CNTN4: variants seen among roughly 807,000 people sequenced by gnomAD.
CNTN4 encodes the protein contactin 4.
A neutral mutation model predicts 122.5 loss-of-function variants in CNTN4; 77 were observed. That is an observed-to-expected ratio of 0.63 (90% CI 0.52 to 0.76). CNTN4 has a LOEUF of 0.76. Among genes scored for constraint, CNTN4 ranks in the 30% least tolerant of loss-of-function variants. The pLI, the probability that CNTN4 is intolerant of heterozygous loss-of-function variation, is 0.00. For synonymous variants in CNTN4, 512 were observed against 447.0 expected, an observed-to-expected ratio of 1.15 and a Z score of -1.83; for missense variants, 1,256 against 1,259.1, an observed-to-expected ratio of 1.00 and a Z score of 0.04.
intron 4 of CNTN4, among the ~76,000 whole-genome samples, chr3:2,676,668 A>G (rs2084862915): frequency 6.6e-6 from 1 of 152,172 alleles, no homozygotes; most frequent in South Asian, 2.1e-4. Context: ...AGGGGAAAGA[A>G]ACGACATGGG....
At chr3:2,560,599 T>C (rs928873559) in intron 3 of CNTN4, among the ~76,000 whole-genome samples, 2 of 152,230 alleles carry the variant, frequency 1.3e-5, no homozygotes, top group Non-Finnish European at 2.9e-5. Flanking sequence ...CTCCGTTTTA[T>C]GGACACAAAA....
chr3:2,832,891 G>T (rs901014570), intron 7 of CNTN4, among the ~76,000 whole-genome samples: 4 of 152,102 alleles, frequency 2.6e-5, no homozygotes, highest in Admixed American at 6.5e-5. Flanking sequence ...GGCTGGGATA[G>T]AATTACAACC....
At position 2,976,539 on chromosome 3, in the gene CNTN4, A is replaced by G. The variant is rs898826336; in HGVS notation, c.1359-11806A>G. 3.9e-5 allele frequency among the ~76,000 whole-genome samples: 6 copies of G among 152,176 alleles called. No individual in the cohort carries two copies. In the East Asian group the frequency reaches 9.6e-4, roughly 24 times the overall value. Reference sequence around the variant, plus strand: ...CCACAGAGACTACACGGAAAGGTCAATGACAGGTTTGCCTGAAATTACCCC... The same window carrying G: ...CCACAGAGACTACACGGAAAGGTCAGTGACAGGTTTGCCTGAAATTACCCC... On this transcript the variant is annotated intron_variant, in intron 13 of 24. Transcript: ENST00000418658.
chr3:2,617,606 A>G (rs555402210), intron 4 of CNTN4, among the ~76,000 whole-genome samples: 3 of 152,064 alleles, frequency 2.0e-5, no homozygotes, highest in South Asian at 4.2e-4. Flanking sequence ...TACTTTTAGT[A>G]CAGACGGAGT....
At chr3:2,381,336 C>T (rs115647851) in intron 3 of CNTN4, among the ~76,000 whole-genome samples, 1 of 152,102 alleles carries the variant, frequency 6.6e-6, no homozygotes, top group African/African-American at 2.4e-5. Context: ...AGAAATGGGC[C>T]CCAATATTTG....
rs538041960 is a variant in CNTN4, at chr3:2,363,695, A to G, written c.-89+24462A>G. 3.3e-5 allele frequency among the ~76,000 whole-genome samples: 5 copies of G among 152,314 alleles called. No homozygotes were observed. In the East Asian group the frequency reaches 9.6e-4, roughly 29 times the overall value. ...TCTGATACTGTCTACAAAAATTACC[A>G]AAGTCTAACATCTTTCCTCCTTTTA... On this transcript the variant is annotated intron_variant, in intron 3 of 24. Coordinates refer to ENST00000418658, the MANE Select transcript of CNTN4 (RefSeq NM_175607.3).
chr3:2,402,616 T>C (rs1053954832), intron 3 of CNTN4, among the ~76,000 whole-genome samples: 2 of 152,214 alleles, frequency 1.3e-5, no homozygotes, highest in South Asian at 4.1e-4. Flanking sequence ...TGTTAACTAG[T>C]GACCCTACTT....
intron 3 of CNTN4, among the ~76,000 whole-genome samples, chr3:2,568,343 A>G (rs936875989): frequency 6.3e-5 from 8 of 127,996 alleles, no homozygotes; most frequent in East Asian, 2.5e-4. Flanking sequence ...AAAAAAAACC[A>G]CCCTGTACAA....
chr3:2,376,855 A>G (rs568887517), intron 3 of CNTN4, among the ~76,000 whole-genome samples: 40 of 152,304 alleles, frequency 2.6e-4, no homozygotes, highest in Non-Finnish European at 5.3e-4. Context: ...GAATTAACAC[A>G]AAAAGAAAAT....
chr3:2,286,223 G>A (rs2041895992), intron 2 of CNTN4, among the ~76,000 whole-genome samples: 1 of 86,130 alleles, frequency 1.2e-5, no homozygotes, highest in South Asian at 4.7e-4. Flanking sequence ...GTGTGTGTGT[G>A]CATACACCCC....
chr3:2,887,114 A>T lies in CNTN4; in HGVS notation c.830A>T (p.Asn277Ile). The change falls in exon 10 of 25, where the codon AAT becomes ATT. Residue 277 changes from asparagine to isoleucine, a missense_variant. Coordinates refer to ENST00000418658, the MANE Select transcript of CNTN4 (RefSeq NM_175607.3). ...AGGAAAGCCAGAAGACACAAGTCAA[A>T]TGGAATTCTTGAGATCCCTAATTTT... Reference protein sequence around the residue: ...IARKARRHKSNGILEIPNFQQ... With the variant: ...IARKARRHKSIGILEIPNFQQ... The T allele has an allele frequency of 6.2e-7, 1 of 1,614,180 alleles. No homozygotes were observed. The highest frequency in any genetic ancestry group is 8.5e-7 in the Non-Finnish European group (1 of 1,180,020).
At chr3:2,909,959 A>T (rs2094281820) in intron 12 of CNTN4, among the ~76,000 whole-genome samples, 1 of 152,214 alleles carries the variant, frequency 6.6e-6, no homozygotes, top group Admixed American at 6.5e-5. Context: ...TAAAAATTGA[A>T]CATAGTCTCC....
intron 6 of CNTN4, among the ~76,000 whole-genome samples, chr3:2,768,718 C>G (rs2149749480): frequency 6.6e-6 from 1 of 152,336 alleles, no homozygotes; most frequent in African/African-American, 2.4e-5. Flanking sequence ...TCCAAGCCAG[C>G]ACTTTATGCC....
chr3:2,424,929 C>T (rs963554917), intron 3 of CNTN4, among the ~76,000 whole-genome samples: 3 of 152,102 alleles, frequency 2.0e-5, no homozygotes, highest in Admixed American at 6.6e-5. Flanking sequence ...TTGACTTATT[C>T]TTGTAAATTT....
intron 4 of CNTN4, among the ~76,000 whole-genome samples, chr3:2,656,048 T>G (rs1399601749): frequency 6.6e-6 from 1 of 152,194 alleles, no homozygotes; most frequent in African/African-American, 2.4e-5. Context: ...AAGATAAGAA[T>G]GTTTTATTGT....
At chr3:2,796,076 C>A (rs2092168915) in intron 6 of CNTN4, among the ~76,000 whole-genome samples, 1 of 152,010 alleles carries the variant, frequency 6.6e-6, no homozygotes. Flanking sequence ...CTTTCTTGAC[C>A]CGTAAGATGT....
intron 2 of CNTN4, among the ~76,000 whole-genome samples, chr3:2,169,693 G>A (rs1334148858): frequency 4.6e-5 from 7 of 152,168 alleles, no homozygotes; most frequent in South Asian, 2.1e-4. Context: ...CACCGCGCCC[G>A]GCCTAGAAAC....
chr3:3,003,377 T>C (rs1243006730), intron 14 of CNTN4, among the ~76,000 whole-genome samples: 1 of 152,074 alleles, frequency 6.6e-6, no homozygotes, highest in Admixed American at 6.6e-5. Context: ...CCAAATGTGG[T>C]GTATCCATAC....
chr3:2,099,400 C>T (rs1559238877), intron 1 of CNTN4: 1 of 152,468 alleles, frequency 6.6e-6, no homozygotes, highest in Non-Finnish European at 1.5e-5. Flanking sequence ...CTCCGTGCGC[C>T]CTGGCCTCTG....
Sources: gnomAD v4.1 joint callset for allele counts (sites outside exome capture counted in the v4.1 genomes callset) on GRCh38, gnomAD v4.1.1 for gene constraint, MANE v1.5 for transcripts, NCBI Gene and HGNC (gene_info 2026-07-23, HGNC 2026-07-21) for gene names.